Variants in TMEM120B observed in about 807,000 individuals in gnomAD.
The protein encoded by TMEM120B is transmembrane protein 120B.
A neutral mutation model predicts 55.5 loss-of-function variants in TMEM120B; 31 were observed. The ratio of observed to expected loss-of-function variants is 0.56; its 90% confidence interval spans 0.42 to 0.75. TMEM120B has a LOEUF of 0.75. Ranked by LOEUF, TMEM120B falls within the 30% of genes least tolerant of loss-of-function variation. TMEM120B has a pLI of 0.00. For missense variants in TMEM120B, 399 were observed against 425.5 expected (o/e 0.94, Z 0.55); for synonymous variants, 203 against 176.3 (o/e 1.15, Z -1.20).
chr12:121,761,746 G>A lies in TMEM120B; in HGVS notation c.551+8G>A. 1 of 1,612,210 alleles carries A rather than the reference G, an allele frequency of 6.2e-7. No homozygotes were observed. Among genetic ancestry groups the A allele is most frequent in the Non-Finnish European group, 8.5e-7 (1 of 1,178,404 alleles). On this transcript the variant is annotated splice_region_variant and intron_variant, in intron 6 of 11. Coordinates refer to ENST00000449592, the MANE Select transcript of TMEM120B (RefSeq NM_001080825.2). ...CATCAGCAACGGCTCAAGGTACCTG[G>A]GCACCTGGCTTTGTGGGGAGCACAA...
At chr12:121,764,624 C>G (rs1160610878) in intron 6 of TMEM120B, among the ~76,000 whole-genome samples, 1 of 151,984 alleles carries the variant, frequency 6.6e-6, no homozygotes, top group African/African-American at 2.4e-5. Context: ...GGCCACTGCA[C>G]TCCAGCCTAG....
intron 5 of TMEM120B, chr12:121,758,399 T>G: frequency 1.0e-6 from 1 of 985,334 alleles, no homozygotes; most frequent in Non-Finnish European, 1.2e-6. Context: ...CCCCGCGCTG[T>G]GGTCACCATG....
chr12:121,758,768 G>A, intron 5 of TMEM120B: 1 of 981,632 alleles, frequency 1.0e-6, no homozygotes, highest in Non-Finnish European at 1.2e-6. Context: ...GCCCTGCGCT[G>A]TGGTCACCAT....
rs1383414620 is a variant in TMEM120B at position 121,781,073 on chromosome 12, C to T, written c.*5351C>T. On this transcript the variant is annotated 3_prime_UTR_variant, in exon 12 of 12. Coordinates refer to ENST00000449592, the MANE Select transcript of TMEM120B (RefSeq NM_001080825.2). ...AGATGTGGGGCCACCACCCAGGAGGCCGGCCTCACCTTGATGAGGACGTTG... is the reference window on the plus strand; with the variant it reads ...AGATGTGGGGCCACCACCCAGGAGGTCGGCCTCACCTTGATGAGGACGTTG... 6.2e-7 allele frequency: 1 copy of T among 1,614,078 alleles called. No homozygotes were observed. Among genetic ancestry groups the T allele is most frequent in the Non-Finnish European group, 8.5e-7 (1 of 1,179,956 alleles).
intron 2 of TMEM120B, among the ~76,000 whole-genome samples, chr12:121,744,640 A>G (rs1179081411): frequency 3.9e-5 from 6 of 152,182 alleles, no homozygotes; most frequent in Non-Finnish European, 7.3e-5. Context: ...AGGTCTGGGA[A>G]GTCCCCTCCT....
At chr12:121,740,851 G>T (rs1409147151) in intron 1 of TMEM120B, among the ~76,000 whole-genome samples, 1 of 152,074 alleles carries the variant, frequency 6.6e-6, no homozygotes, top group Non-Finnish European at 1.5e-5. Context: ...CTCCCAAATG[G>T]TTTAGCACTG....
At chr12:121,773,767 T>TACACACACACACACACACACAC (rs139459284) in intron 9 of TMEM120B, among the ~76,000 whole-genome samples, 8 of 151,262 alleles carry the variant, frequency 5.3e-5, no homozygotes, top group African/African-American at 1.7e-4. Context: ...TGTTCTAGAA[T>TACACACACACACACACACACAC]ACACACACAC....
At chr12:121,736,235 C>T (rs1895109076) in intron 1 of TMEM120B, among the ~76,000 whole-genome samples, 1 of 151,762 alleles carries the variant, frequency 6.6e-6, no homozygotes, top group Admixed American at 6.6e-5. Context: ...AGTGCAGTGG[C>T]GTGGTCTCAG....
chr12:121,743,615 C>G lies in TMEM120B; in HGVS notation c.70-14C>G. 3 of 1,604,322 alleles carry G rather than the reference C, an allele frequency of 1.9e-6. No homozygotes were observed. The South Asian group carries it at 3.3e-5, about 18-fold the overall frequency. The stretch of plus-strand genomic sequence containing the variant: ...TTCTCCCACACACCCTCCCCCGGGT[C>G]CCCTGTTCTTCAGGAGACGCACAGG... On this transcript the variant is annotated splice_polypyrimidine_tract_variant and intron_variant, in intron 1 of 11. Transcript: ENST00000449592.
chr12:121,771,675 G>A lies in TMEM120B; in HGVS notation c.679+126G>A, dbSNP rs1275138421. ...GCAGGGAGACCAGACTGGGGGAGAGGGTCCCAGAAATCCAGAAGGAGAGCT... is the reference window on the plus strand; with the variant it reads ...GCAGGGAGACCAGACTGGGGGAGAGAGTCCCAGAAATCCAGAAGGAGAGCT... On this transcript the variant is annotated intron_variant, in intron 8 of 11. Transcript: ENST00000449592. 7 of 993,584 alleles carry A rather than the reference G, an allele frequency of 7.0e-6. No individual in the cohort carries two copies. The East Asian group carries it at 1.5e-4, about 21-fold the overall frequency. 61.5% of individuals were successfully genotyped at this position (993,584 alleles called of 1,614,324 possible).
At chr12:121,772,422 G>A (rs975375886) in intron 8 of TMEM120B, among the ~76,000 whole-genome samples, 9 of 149,550 alleles carry the variant, frequency 6.0e-5, no homozygotes, top group Non-Finnish European at 1.3e-4. Flanking sequence ...GAGCCACCAC[G>A]CCGTACCGTT....
intron 1 of TMEM120B, among the ~76,000 whole-genome samples, chr12:121,732,978 CAAAA>C (rs773677592): frequency 4.5e-5 from 4 of 88,604 alleles, no homozygotes; most frequent in Admixed American, 1.2e-4. Flanking sequence ...GACTCTGTCT[CAAAA>C]AAAAAAAAAA....
chr12:121,742,881 T>C (rs368928410), intron 1 of TMEM120B, among the ~76,000 whole-genome samples: 2 of 152,190 alleles, frequency 1.3e-5, no homozygotes, highest in Admixed American at 1.3e-4. Flanking sequence ...GGCCAGCTTA[T>C]TGTTTTTAAT....
intron 8 of TMEM120B, 128 bp downstream of exon 8, chr12:121,771,677 TC>T: frequency 1.0e-6 from 1 of 954,718 alleles, no homozygotes; most frequent in Non-Finnish European, 1.6e-6. Flanking sequence ...GGGGAGAGGG[TC>T]CCAGAAATCC....
In TMEM120B at chr12:121,779,814, G is replaced by C; in HGVS notation, c.*4092G>C. On this transcript the variant is annotated 3_prime_UTR_variant, in exon 12 of 12. Coordinates refer to ENST00000449592, the MANE Select transcript of TMEM120B (RefSeq NM_001080825.2). ...TCCTCCATCCTGGCTGCCCCTCACA[G>C]TGTGTGGGTGGAATGGAGGGCCAGG... is the stretch of plus-strand genomic sequence containing the variant. The C allele has an allele frequency of 1.3e-6, 1 of 780,228 alleles. No individual in the cohort carries two copies. The highest frequency in any genetic ancestry group is 1.7e-5 in the African/African-American group (1 of 57,472). 48.3% of individuals were successfully genotyped at this position (780,228 alleles called of 1,614,324 possible).
chr12:121,741,423 G>A (rs1872930474), intron 1 of TMEM120B, among the ~76,000 whole-genome samples: 2 of 152,176 alleles, frequency 1.3e-5, no homozygotes, highest in East Asian at 1.9e-4. Context: ...TGTGCCTCCC[G>A]GGTTCAAGCG....
At chr12:121,739,565 TG>T (rs1256087944) in intron 1 of TMEM120B, among the ~76,000 whole-genome samples, 1 of 151,960 alleles carries the variant, frequency 6.6e-6, no homozygotes, top group Non-Finnish European at 1.5e-5. Flanking sequence ...CACCACCTCC[TG>T]GGTTCAAGTA....
At chr12:121,733,188 G>T (rs1895036662) in intron 1 of TMEM120B, among the ~76,000 whole-genome samples, 2 of 152,094 alleles carry the variant, frequency 1.3e-5, no homozygotes, top group South Asian at 4.1e-4. Context: ...AAAGAAACTA[G>T]AGTATATCTG....
intron 6 of TMEM120B, among the ~76,000 whole-genome samples, chr12:121,762,881 G>A (rs954620982): frequency 1.2e-4 from 18 of 152,198 alleles, no homozygotes; most frequent in Non-Finnish European, 1.6e-4. Context: ...GGCAAGCCAT[G>A]TATCCTCTTT....
Sources: allele counts gnomAD v4.1 joint callset (sites outside exome capture counted in the v4.1 genomes callset), GRCh38; gene constraint gnomAD v4.1.1; transcripts MANE v1.5; gene names NCBI Gene and HGNC (gene_info 2026-07-23, HGNC 2026-07-21).